The following H3C6 variants were observed in gnomAD, a reference collection of about 807,000 sequenced individuals.
H3C6 encodes the protein histone H3.1.
A neutral mutation model predicts 8.0 loss-of-function variants in H3C6; 17 were observed. The ratio of observed to expected loss-of-function variants is 2.13; its 90% CI spans 1.46 to 3.19. The LOEUF is 3.19. Among genes scored for constraint, H3C6 ranks in the 30% most tolerant of loss-of-function variants. The pLI, the probability that H3C6 is intolerant of heterozygous loss-of-function variation, is 0.00. For missense variants in H3C6, 298 were observed against 193.8 expected, an observed-to-expected ratio of 1.54 and a Z score of -3.19; for synonymous variants, 169 against 78.0, an observed-to-expected ratio of 2.17 and a Z score of -6.15.
In H3C6 at chr6:26,225,582, A is replaced by AT. The variant is rs1759524138; in HGVS notation, c.*17_*18insT. The AT allele has an allele frequency of 6.2e-7, 1 of 1,603,038 alleles. No homozygotes were observed. ...AGGGCGTGAATTGTTTTGAGTACAAACCTTAAATCCAAAGGCTCTTCTCAG... is the reference window on the plus strand; with the variant it reads ...AGGGCGTGAATTGTTTTGAGTACAAATCCTTAAATCCAAAGGCTCTTCTCAG... On this transcript the variant is annotated 3_prime_UTR_variant, in exon 1 of 1. Coordinates refer to ENST00000614911, the MANE Select transcript of H3C6 (RefSeq NM_003532.3).
Position 26,225,514 on chromosome 6 carries a change from C to G in H3C6, c.360C>G (p.Ile120Met). The change falls in exon 1 of 1, where the codon ATC becomes ATG. Residue 120 changes from isoleucine to methionine, a missense_variant. Coordinates refer to ENST00000614911, the MANE Select transcript of H3C6 (RefSeq NM_003532.3). The part of the protein sequence containing the change: ...LCAIHAKRVT[I>M]MPKDIQLARR... ...CTATTCATGCCAAACGCGTGACCAT[C>G]ATGCCTAAAGACATCCAGCTTGCCC... 5 of 1,614,216 alleles carry G rather than the reference C, an allele frequency of 3.1e-6. No homozygotes were observed. The highest frequency in any genetic ancestry group is 4.2e-6 in the Non-Finnish European group (5 of 1,180,024).
chr6:26,224,838 A>G (rs1035306049), upstream of H3C6: 1 of 185,332 alleles, frequency 5.4e-6, no homozygotes, highest in Non-Finnish European at 1.1e-5. Context: ...AACACATTCG[A>G]TTTTTTATAG....
In H3C6 at chr6:26,225,568, T is replaced by C. The variant is rs1313973074; in HGVS notation, c.*3T>C. 1.2e-6 allele frequency: 2 copies of C among 1,611,182 alleles called. No individual in the cohort carries two copies. Among genetic ancestry groups the C allele is most frequent in the African/African-American group, 2.7e-5 (2 of 74,874 alleles). On this transcript the variant is annotated 3_prime_UTR_variant, in exon 1 of 1. Coordinates refer to ENST00000614911, the MANE Select transcript of H3C6 (RefSeq NM_003532.3). ...GCATTCGTGGGGAGAGGGCGTGAAT[T>C]GTTTTGAGTACAAACCTTAAATCCA...
chr6:26,225,513 T>A lies in H3C6; in HGVS notation c.359T>A (p.Ile120Asn). The change falls in exon 1 of 1, where the codon ATC becomes AAC. Residue 120 changes from isoleucine to asparagine, a missense_variant. Ile to Asn is a moderately radical substitution (Grantham distance 149). Coordinates refer to ENST00000614911, the MANE Select transcript of H3C6 (RefSeq NM_003532.3). ...GCTATTCATGCCAAACGCGTGACCATCATGCCTAAAGACATCCAGCTTGCC... is the reference window on the plus strand; with the variant it reads ...GCTATTCATGCCAAACGCGTGACCAACATGCCTAAAGACATCCAGCTTGCC... ...LCAIHAKRVT[I>N]MPKDIQLARR... is the part of the protein sequence containing the mutation. The A allele has an allele frequency of 6.2e-7, 1 of 1,614,220 alleles. No individual in the cohort carries two copies. Among genetic ancestry groups the A allele is most frequent in the Non-Finnish European group, 8.5e-7 (1 of 1,180,020 alleles).
At chr6:26,227,442 T>G (rs1019174469), downstream of H3C6, 3 of 152,164 alleles carry the variant, frequency 2.0e-5, no homozygotes, top group African/African-American at 7.2e-5. Context: ...TTAGTCAAGT[T>G]GAGATGTAAA....
chr6:26,225,136 T>G lies in H3C6; in HGVS notation c.-19T>G. The G allele has an allele frequency of 6.5e-7, 1 of 1,531,372 alleles. No homozygotes were observed. The highest frequency in any genetic ancestry group is 2.3e-5 in the East Asian group (1 of 44,286). The allele number at this position is 1,531,372 out of a possible 1,614,324, so 94.9% of individuals were successfully genotyped here. Reference sequence around the variant, plus strand: ...GGGGCAAACCAATCTTCCTAACTCATTTACTTTGCAGATGAACTATGGCGC... The same window carrying G: ...GGGGCAAACCAATCTTCCTAACTCAGTTACTTTGCAGATGAACTATGGCGC... On this transcript the variant is annotated 5_prime_UTR_variant, in exon 1 of 1. Coordinates refer to ENST00000614911, the MANE Select transcript of H3C6 (RefSeq NM_003532.3).
At chr6:26,226,063 A>C (rs2113568527), downstream of H3C6, 1 of 153,698 alleles carries the variant, frequency 6.5e-6, no homozygotes, top group African/African-American at 2.4e-5. Context: ...TTACTCCACT[A>C]GTGTTTTGAG....
chr6:26,224,525 A>G (rs1455800786), upstream of H3C6, among the ~76,000 whole-genome samples: 3 of 152,248 alleles, frequency 2.0e-5, no homozygotes, highest in East Asian at 1.9e-4. Context: ...AATTTCAACA[A>G]AACGAAATAA....
At position 26,225,271 on chromosome 6, in the gene H3C6, C is replaced by T. The variant is rs1324349985; in HGVS notation, c.117C>T (p.Pro39=). The T allele has an allele frequency of 1.9e-6, 3 of 1,614,006 alleles. No homozygotes were observed. Among genetic ancestry groups the T allele is most frequent in the African/African-American group, 1.3e-5 (1 of 74,954 alleles). The change falls in exon 1 of 1, where the codon CCC becomes CCT. Residue 39 remains proline (P), a synonymous_variant. Coordinates refer to ENST00000614911, the MANE Select transcript of H3C6 (RefSeq NM_003532.3). ...SAPATGGVKK[P]HRYRPGTVAL... Reference sequence around the variant, plus strand: ...CGGCCACGGGCGGCGTGAAGAAGCCCCATCGCTACCGCCCTGGCACCGTGG... The same window carrying T: ...CGGCCACGGGCGGCGTGAAGAAGCCTCATCGCTACCGCCCTGGCACCGTGG...
In H3C6 at chr6:26,225,611, C is replaced by G; in HGVS notation, c.*46C>G. On this transcript the variant is annotated 3_prime_UTR_variant, in exon 1 of 1. Transcript: ENST00000614911. ...TAAATCCAAAGGCTCTTCTCAGAGC[C>G]AACCACTTTGTCCGTGAAAAGGGCT... is the stretch of plus-strand genomic sequence containing the variant. 1 of 1,570,016 alleles carries G rather than the reference C, an allele frequency of 6.4e-7. No homozygotes were observed.
At chr6:26,226,053 T>A (rs1759551445), downstream of H3C6, 1 of 154,970 alleles carries the variant, frequency 6.5e-6, no homozygotes, top group Non-Finnish European at 1.4e-5. Context: ...TCAGGCTGCC[T>A]TACTCCACTA....
In H3C6 at chr6:26,225,615, C is replaced by A. The variant is rs532694665; in HGVS notation, c.*50C>A. On this transcript the variant is annotated 3_prime_UTR_variant, in exon 1 of 1. Transcript: ENST00000614911. ...TCCAAAGGCTCTTCTCAGAGCCAAC[C>A]ACTTTGTCCGTGAAAAGGGCTGTAA... The A allele has an allele frequency of 5.1e-6, 8 of 1,560,272 alleles. No individual in the cohort carries two copies. In the African/African-American group the frequency reaches 9.6e-5, roughly 19 times the overall value.
In H3C6 at chr6:26,225,364, C is replaced by T. The variant is rs746265740; in HGVS notation, c.210C>T (p.Arg70=). The T allele has an allele frequency of 3.7e-6, 6 of 1,614,132 alleles. No individual in the cohort carries two copies. The highest frequency in any genetic ancestry group is 1.1e-5 in the South Asian group (1 of 91,094). The change falls in exon 1 of 1, where the codon CGC becomes CGT. Residue 70 remains arginine (R), a synonymous_variant. Coordinates refer to ENST00000614911, the MANE Select transcript of H3C6 (RefSeq NM_003532.3). ...TAATCCGGAAGCTGCCGTTTCAGCG[C>T]CTGGTGCGAGAAATAGCTCAGGACT... ...ELLIRKLPFQ[R]LVREIAQDFK...
At chr6:26,226,065 T>C (rs1287666997), downstream of H3C6, 1 of 153,678 alleles carries the variant, frequency 6.5e-6, no homozygotes, top group African/African-American at 2.4e-5. Context: ...ACTCCACTAG[T>C]GTTTTGAGAC....
At position 26,225,421 on chromosome 6, in the gene H3C6, G is replaced by A. The variant is rs776457368; in HGVS notation, c.267G>A (p.Ala89=). ...FKTDLRFQSS[A]VMALQEACEA... ...CCGACCTGCGCTTCCAGAGTTCCGCGGTGATGGCGCTGCAGGAGGCCTGCG... is the reference window on the plus strand; with the variant it reads ...CCGACCTGCGCTTCCAGAGTTCCGCAGTGATGGCGCTGCAGGAGGCCTGCG... The change falls in exon 1 of 1, where the codon GCG becomes GCA. Residue 89 remains alanine (A), a synonymous_variant. Coordinates refer to ENST00000614911, the MANE Select transcript of H3C6 (RefSeq NM_003532.3). 2.5e-6 allele frequency: 4 copies of A among 1,614,262 alleles called. No individual in the cohort carries two copies. The South Asian group carries it at 3.3e-5, about 13-fold the overall frequency.
chr6:26,226,571 T>G (rs1759572748), downstream of H3C6: 1 of 152,182 alleles, frequency 6.6e-6, no homozygotes, highest in Non-Finnish European at 1.5e-5. Flanking sequence ...GGCTGATATC[T>G]TAAAAGAACT....
chr6:26,225,440 G>A lies in H3C6; in HGVS notation c.286G>A (p.Ala96Thr), dbSNP rs761827944. 3 of 1,614,112 alleles carry A rather than the reference G, an allele frequency of 1.9e-6. No individual in the cohort carries two copies. Among genetic ancestry groups the A allele is most frequent in the Admixed American group, 3.3e-5 (2 of 60,016 alleles). The change falls in exon 1 of 1, where the codon GCC becomes ACC. Residue 96 changes from alanine to threonine, a missense_variant. Transcript: ENST00000614911. ...QSSAVMALQE[A>T]CEAYLVGLFE... ...TTCCGCGGTGATGGCGCTGCAGGAG[G>A]CCTGCGAGGCCTACTTGGTGGGGCT...
At chr6:26,226,654 A>G (rs1388251318), downstream of H3C6, 1 of 152,230 alleles carries the variant, frequency 6.6e-6, no homozygotes, top group African/African-American at 2.4e-5. Flanking sequence ...ACAAAACATG[A>G]AAATCCTTGG....
At chr6:26,224,423 C>G (rs1052847421), upstream of H3C6, 3 of 152,210 alleles carry the variant, frequency 2.0e-5, no homozygotes, top group African/African-American at 7.2e-5. Flanking sequence ...AGAGAAACAA[C>G]CTTCTAACAC....
Sources: gnomAD v4.1 joint callset for allele counts (sites outside exome capture counted in the v4.1 genomes callset) on GRCh38, gnomAD v4.1.1 for gene constraint, MANE v1.5 for transcripts, NCBI Gene and HGNC (gene_info 2026-07-23, HGNC 2026-07-21) for gene names.